DYNC2LI1: variants seen among roughly 807,000 people sequenced by gnomAD.
DYNC2LI1 encodes the protein dynein cytoplasmic 2 light intermediate chain 1, also known as cytoplasmic dynein 2 light intermediate chain 1.
A neutral mutation model predicts 51.9 loss-of-function variants in DYNC2LI1; 45 were observed. The ratio of observed to expected loss-of-function variants is 0.87; its 90% CI spans 0.68 to 1.11. The LOEUF is 1.11. Ranked by LOEUF, DYNC2LI1 falls within the 50% of genes most tolerant of loss-of-function variation. The pLI is 0.00. For missense variants in DYNC2LI1, 490 were observed against 417.4 expected, an observed-to-expected ratio of 1.17 and a Z score of -1.51; for synonymous variants, 130 against 137.8, an observed-to-expected ratio of 0.94 and a Z score of 0.40.
At chr2:43,784,423 A>G (rs1198326882) in intron 3 of DYNC2LI1, among the ~76,000 whole-genome samples, 5 of 152,182 alleles carry the variant, frequency 3.3e-5, no homozygotes, top group Non-Finnish European at 5.9e-5. Context: ...ATTGAGTTGA[A>G]AAGTATTAAT....
At chr2:43,814,601 G>T (rs1380921857), downstream of DYNC2LI1, 1 of 1,523,508 alleles carries the variant, frequency 6.6e-7, no homozygotes, top group Non-Finnish European at 9.1e-7. Context: ...TTAAGAAAAA[G>T]AAAACAAAAA....
chr2:43,809,901 G>A lies in DYNC2LI1; in HGVS notation c.*134G>A. 1 of 1,420,188 alleles carries A rather than the reference G, an allele frequency of 7.0e-7. No homozygotes were observed. The highest frequency in any genetic ancestry group is 9.2e-7 in the Non-Finnish European group (1 of 1,087,950). The allele number at this position is 1,420,188 out of a possible 1,614,324, so 88.0% of individuals were successfully genotyped here. A position where few individuals can be genotyped will look rare whatever the true frequency, so the allele number is the denominator to read the frequency against. ...TGTTAAAGGACAAGCTGGATTTCTT[G>A]GACTAGTGCATCTCCCTGTATATCT... On this transcript the variant is annotated 3_prime_UTR_variant, in exon 13 of 13. Transcript: ENST00000260605.
At chr2:43,787,374 G>A in intron 4 of DYNC2LI1, 124 bp downstream of exon 4, 2 of 743,920 alleles carry the variant, frequency 2.7e-6, no homozygotes, top group South Asian at 4.1e-5. Flanking sequence ...CTTCGTAGCT[G>A]TCTACCATTA....
chr2:43,822,748 C>G, the DYNC2LI1 span: 1 of 1,613,494 alleles, frequency 6.2e-7, no homozygotes, highest in Non-Finnish European at 8.5e-7. Context: ...CCCACTAGCT[C>G]CATGACTCCA....
intron 6 of DYNC2LI1, among the ~76,000 whole-genome samples, chr2:43,795,605 A>T (rs1025448): frequency 0.13 from 20,404 of 151,760 alleles, 1,865 homozygotes; most frequent in African/African-American, 0.24. Context: ...AAAATAGAAT[A>T]AAAAAAAACC....
At chr2:43,820,087 G>A in the DYNC2LI1 span, 2 of 1,613,890 alleles carry the variant, frequency 1.2e-6, no homozygotes, top group South Asian at 2.2e-5. Flanking sequence ...ACCTCAGGAT[G>A]TAAGCCCAGC....
At chr2:43,816,398 C>A in the DYNC2LI1 span, among the ~76,000 whole-genome samples, 4 of 152,122 alleles carry the variant, frequency 2.6e-5, no homozygotes, top group East Asian at 7.7e-4. Flanking sequence ...GCGCCTCTAG[C>A]CTTGGGAACA....
At chr2:43,823,762 A>T in the DYNC2LI1 span, 1 of 809,698 alleles carries the variant, frequency 1.2e-6, no homozygotes, top group Non-Finnish European at 1.9e-6. Context: ...TTGGTAACTC[A>T]ATAGTTGCCT....
chr2:43,795,921 C>T lies in DYNC2LI1; in HGVS notation c.539C>T (p.Pro180Leu), dbSNP rs997905190. The T allele has an allele frequency of 1.2e-5, 19 of 1,613,452 alleles. No individual in the cohort carries two copies. The highest frequency in any genetic ancestry group is 1.4e-5 in the Non-Finnish European group (17 of 1,179,580). ...GAATTAATTGACCCATTTCCGGTAC[C>T]TCTGGTCATAATTGGAAGTAAATAT... ...DHELIDPFPV[P>L]LVIIGSKYDV... Residue 180 changes from proline (P) to leucine (L), a missense_variant, in exon 7 of 13, where the codon CCT becomes CTT. Physicochemically the swap from Pro to Leu is moderately conservative, Grantham distance 98. Coordinates refer to ENST00000260605, the MANE Select transcript of DYNC2LI1 (RefSeq NM_016008.4).
At chr2:43,816,327 G>A in the DYNC2LI1 span, among the ~76,000 whole-genome samples, 10 of 152,304 alleles carry the variant, frequency 6.6e-5, no homozygotes, top group East Asian at 3.9e-4. Context: ...AAGGAAGACC[G>A]TGACAGGAAG....
rs2104648370 is a variant in DYNC2LI1 at position 43,774,059 on chromosome 2, T to A, written c.-80T>A. On this transcript the variant is annotated 5_prime_UTR_variant, in exon 1 of 13. Coordinates refer to ENST00000260605, the MANE Select transcript of DYNC2LI1 (RefSeq NM_016008.4). ...AACCCAGAAGGCCTCACTCCCAGAC[T>A]CCTTGCGGAGCTCGCCGCCTGATTC... is the stretch of plus-strand genomic sequence containing the variant. The A allele has an allele frequency of 6.3e-7, 1 of 1,597,044 alleles. No individual in the cohort carries two copies. Among genetic ancestry groups the A allele is most frequent in the Non-Finnish European group, 8.5e-7 (1 of 1,171,670 alleles).
chr2:43,817,055 G>T, the DYNC2LI1 span, among the ~76,000 whole-genome samples: 4 of 152,234 alleles, frequency 2.6e-5, no homozygotes, highest in South Asian at 8.3e-4. Flanking sequence ...GGAATGACTA[G>T]CAGGTTGATG....
At chr2:43,778,675 C>G (rs761959476) in intron 2 of DYNC2LI1, among the ~76,000 whole-genome samples, 2 of 152,140 alleles carry the variant, frequency 1.3e-5, no homozygotes, top group Admixed American at 6.5e-5. Context: ...ACTAATGGTA[C>G]TGATTACTGA....
the DYNC2LI1 span, among the ~76,000 whole-genome samples, chr2:43,821,787 C>A: frequency 2.6e-5 from 4 of 152,058 alleles, no homozygotes; most frequent in Non-Finnish European, 5.9e-5. Flanking sequence ...ATTTCAATCT[C>A]TCTCCCCAGT....
downstream of DYNC2LI1, among the ~76,000 whole-genome samples, chr2:43,813,674 GT>G (rs1284706812): frequency 5.9e-4 from 12 of 20,282 alleles, no homozygotes; most frequent in South Asian, 1.6e-3. Context: ...TTTTTTGGTT[GT>G]TTTTTTTTTG....
downstream of DYNC2LI1, chr2:43,812,622 A>C (rs1200618841): frequency 1.7e-5 from 3 of 178,650 alleles, no homozygotes; most frequent in Non-Finnish European, 3.6e-5. Context: ...TCTGCATTTA[A>C]CTCTGGGTCT....
At chr2:43,826,309 A>T in the DYNC2LI1 span, 2,033 of 1,608,456 alleles carry the variant, frequency 1.3e-3, 15 homozygotes, top group African/African-American at 0.02. Flanking sequence ...CACTGGTACA[A>T]ATCTTGCCCC....
downstream of DYNC2LI1, chr2:43,814,479 C>G: frequency 1.9e-6 from 3 of 1,590,442 alleles, no homozygotes; most frequent in Non-Finnish European, 2.6e-6. Flanking sequence ...ATACTTACCA[C>G]AAGTGAAATT....
chr2:43,824,903 G>A, the DYNC2LI1 span: 1 of 1,614,016 alleles, frequency 6.2e-7, no homozygotes, highest in African/African-American at 1.3e-5. Flanking sequence ...GAAGTCAAAA[G>A]GGTTTGAATG....
Sources: gnomAD v4.1 joint callset for allele counts (sites outside exome capture counted in the v4.1 genomes callset) on GRCh38, gnomAD v4.1.1 for gene constraint, MANE v1.5 for transcripts, NCBI Gene and HGNC (gene_info 2026-07-23, HGNC 2026-07-21) for gene names.